NT5C1B: variants seen among roughly 807,000 people sequenced by gnomAD.
The protein encoded by NT5C1B is 5'-nucleotidase, cytosolic IB.
NT5C1B carries 44 observed loss-of-function variants against 57.8 expected under a neutral mutation model. The ratio of observed to expected loss-of-function variants is 0.76; its 90% CI spans 0.60 to 0.98. The LOEUF (loss-of-function observed/expected upper bound fraction) is 0.98, where lower values mean the gene tolerates loss of function less well. Ranked by LOEUF, NT5C1B falls within the 50% of genes least tolerant of loss-of-function variation. The pLI, the probability that NT5C1B is intolerant of heterozygous loss-of-function variation, is 0.00. For synonymous variants in NT5C1B, 284 were observed against 282.6 expected (o/e 1.00, Z -0.05); for missense variants, 742 against 719.5 (o/e 1.03, Z -0.36).
intron 6 of NT5C1B, among the ~76,000 whole-genome samples, chr2:18,578,626 C>CA (rs1406022253): frequency 6.6e-6 from 1 of 151,860 alleles, no homozygotes; most frequent in Non-Finnish European, 1.5e-5. Flanking sequence ...ATCCCCTCCC[C>CA]AAAAAAACCC....
intron 6 of NT5C1B, 143 bp downstream of exon 6, chr2:18,582,723 CAT>C: frequency 7.9e-7 from 1 of 1,263,986 alleles, no homozygotes; most frequent in South Asian, 1.6e-5. Context: ...CTTGTTCTGA[CAT>C]AGGCAAATAA....
chr2:18,584,972 T>C lies in NT5C1B; in HGVS notation c.265A>G (p.Ser89Gly). ...GGAGTCCGGGAGCTCGTGGAGCTGC[T>C]GGGGAGCTGCAGCAAGACAATGGGC... The change falls in exon 4 of 9, where the codon AGC becomes GGC. Residue 89 changes from serine to glycine, a missense_variant. Ser to Gly is a moderately conservative substitution (Grantham distance 56). Coordinates refer to ENST00000304081, the Ensembl canonical transcript of NT5C1B. The surrounding 1 kb of genome is among the most constrained non-coding windows in gnomAD (Gnocchi z 5.8). 6.4e-7 allele frequency: 1 copy of C among 1,550,390 alleles called. No homozygotes were observed. The highest frequency in any genetic ancestry group is 1.4e-5 in the African/African-American group (1 of 73,680).
rs1350556119 is a variant in NT5C1B, at chr2:18,584,351, C to T, written c.724-96G>A. ...GGTAGGGTGAGAGTAGGACAGCGGG[C>T]CCCTGCTTGGAGAAGCGGGATGCTG... On this transcript the variant is annotated intron_variant, in intron 4 of 8. Transcript: ENST00000304081. The surrounding 1 kb of genome is among the most constrained non-coding windows in gnomAD (Gnocchi z 5.8). The T allele has an allele frequency of 6.4e-7, 1 of 1,553,128 alleles. No individual in the cohort carries two copies. Among genetic ancestry groups the T allele is most frequent in the Non-Finnish European group, 8.7e-7 (1 of 1,151,768 alleles).
At position 18,584,534 on chromosome 2, in the gene NT5C1B, T is replaced by C. The variant is rs763669295; in HGVS notation, c.703A>G (p.Ser235Gly). 6 of 1,611,336 alleles carry C rather than the reference T, an allele frequency of 3.7e-6. No homozygotes were observed. In the East Asian group the frequency reaches 8.9e-5, roughly 24 times the overall value. The stretch of plus-strand genomic sequence containing the variant: ...CTCACCGGCCAGGGGCGCGAGCAGC[T>C]CGGGTTCTTCTCGTAGAACGACCTC... The change falls in exon 4 of 9, where the codon AGC becomes GGC. Residue 235 changes from serine (S) to glycine (G), a missense_variant. Physicochemically the swap from Ser to Gly is moderately conservative, Grantham distance 56. Coordinates refer to ENST00000304081, the Ensembl canonical transcript of NT5C1B. The surrounding 1 kb of genome is among the most constrained non-coding windows in gnomAD (Gnocchi z 5.8).
intron 8 of NT5C1B, 143 bp downstream of exon 8, chr2:18,576,037 AAGAG>A: frequency 2.4e-6 from 2 of 822,926 alleles, no homozygotes; most frequent in South Asian, 6.5e-5. Context: ...TCATGAAAGA[AAGAG>A]AGAAAGCTCC....
chr2:18,586,151 A>G (rs1368090801), intron 3 of NT5C1B, 103 bp downstream of exon 3: 2 of 1,508,472 alleles, frequency 1.3e-6, no homozygotes, highest in Non-Finnish European at 1.8e-6. Flanking sequence ...TAGCTAACAC[A>G]TGTAAAGCAC....
chr2:18,568,391 A>G (rs982942462), intron 8 of NT5C1B, among the ~76,000 whole-genome samples: 2 of 152,190 alleles, frequency 1.3e-5, no homozygotes, highest in African/African-American at 4.8e-5. Flanking sequence ...AAAAACAGAG[A>G]TTCAGTACCA....
intron 2 of NT5C1B, chr2:18,586,848 A>C (rs1358075457): frequency 7.1e-7 from 1 of 1,413,598 alleles, no homozygotes; most frequent in African/African-American, 1.4e-5. Context: ...AAAGGAATGG[A>C]GCCCTCAAGC....
chr2:18,576,235 G>GA lies in NT5C1B; in HGVS notation c.1277dup (p.Asp427ArgfsTer7). The GA allele has an allele frequency of 6.2e-7, 1 of 1,613,156 alleles. No homozygotes were observed. The highest frequency in any genetic ancestry group is 8.5e-7 in the Non-Finnish European group (1 of 1,179,606). On this transcript the variant is annotated frameshift_variant, in exon 8 of 9. Coordinates refer to ENST00000304081, the Ensembl canonical transcript of NT5C1B. LOFTEE classifies it high-confidence loss of function. ...ATGTATCATACTGGAAGAATTTGTC[G>GA]AGCCCATGCTCCTTGGTAAAATGTT...
rs1292457789 is a variant in NT5C1B, at chr2:18,584,346, G to A, written c.724-91C>T. 3 of 1,556,294 alleles carry A rather than the reference G, an allele frequency of 1.9e-6. No individual in the cohort carries two copies. Among genetic ancestry groups the A allele is most frequent in the Non-Finnish European group, 2.6e-6 (3 of 1,153,254 alleles). On this transcript the variant is annotated intron_variant, in intron 4 of 8. Transcript: ENST00000304081. This position sits in a 1 kb window ranked among gnomAD's most constrained non-coding sequence, Gnocchi z 5.8. ...TCCAGGGTAGGGTGAGAGTAGGACA[G>A]CGGGCCCCTGCTTGGAGAAGCGGGA... is the stretch of plus-strand genomic sequence containing the variant.
At position 18,583,007 on chromosome 2, in the gene NT5C1B, A is replaced by G. The variant is rs1666316104; in HGVS notation, c.892-10T>C. The G allele has an allele frequency of 6.2e-7, 1 of 1,612,100 alleles. No individual in the cohort carries two copies. Among genetic ancestry groups the G allele is most frequent in the East Asian group, 2.2e-5 (1 of 44,804 alleles). ...TGACATACTGTAGTGCCTGCAGGTTACAAACATGAATGTGTGTAAAGAGGG... is the reference window on the plus strand; with the variant it reads ...TGACATACTGTAGTGCCTGCAGGTTGCAAACATGAATGTGTGTAAAGAGGG... On this transcript the variant is annotated splice_polypyrimidine_tract_variant and intron_variant, in intron 5 of 8. Coordinates refer to ENST00000304081, the Ensembl canonical transcript of NT5C1B.
At chr2:18,587,712 T>C (rs1273771592) in intron 1 of NT5C1B, 120 bp from the exon 2 acceptor site, 3 of 1,156,026 alleles carry the variant, frequency 2.6e-6, no homozygotes, top group East Asian at 4.9e-5. Context: ...TATAAAAAGG[T>C]ATAAACTCTA....
exon 9 of NT5C1B, chr2:18,563,345 C>G (rs1359136985): frequency 6.5e-6 from 1 of 152,696 alleles, no homozygotes; most frequent in African/African-American, 2.4e-5. Context: ...CCATAGCAGT[C>G]ACAGAATACA....
chr2:18,568,612 T>G (rs1664871443), intron 8 of NT5C1B, among the ~76,000 whole-genome samples: 1 of 152,164 alleles, frequency 6.6e-6, no homozygotes. Context: ...GAAATAGTAG[T>G]GGAAAAGAAA....
intron 3 of NT5C1B, 192 bp from the exon 4 acceptor site, chr2:18,585,170 A>G (rs1238057633): frequency 1.2e-6 from 1 of 820,888 alleles, no homozygotes; most frequent in Non-Finnish European, 2.1e-6. Flanking sequence ...ACAGACACAG[A>G]GACTGTCTGC....
Position 18,584,378 on chromosome 2 carries a change from A to C in NT5C1B, c.724-123T>G. 1 of 1,534,634 alleles carries C rather than the reference A, an allele frequency of 6.5e-7. No homozygotes were observed. Among genetic ancestry groups the C allele is most frequent in the Non-Finnish European group, 8.8e-7 (1 of 1,142,076 alleles). On this transcript the variant is annotated intron_variant, in intron 4 of 8. Coordinates refer to ENST00000304081, the Ensembl canonical transcript of NT5C1B. The surrounding 1 kb of genome is among the most constrained non-coding windows in gnomAD (Gnocchi z 5.8). ...CCTGCTTGGAGAAGCGGGATGCTGG[A>C]GACAGCTGAGGCTGGGACTCCCCGA...
intron 7 of NT5C1B, 145 bp downstream of exon 7, chr2:18,576,628 C>A: frequency 7.3e-7 from 1 of 1,377,810 alleles, no homozygotes; most frequent in Non-Finnish European, 9.8e-7. Context: ...CTCTAAAGGA[C>A]AGACTTAAGT....
At chr2:18,572,728 T>G (rs1665316992) in intron 8 of NT5C1B, among the ~76,000 whole-genome samples, 1 of 152,088 alleles carries the variant, frequency 6.6e-6, no homozygotes, top group Admixed American at 6.5e-5. Context: ...AAGCCAAAAC[T>G]ACAATGAGAT....
At chr2:18,580,476 G>A (rs1323122287) in intron 6 of NT5C1B, among the ~76,000 whole-genome samples, 1 of 152,108 alleles carries the variant, frequency 6.6e-6, no homozygotes, top group Non-Finnish European at 1.5e-5. Flanking sequence ...TTAGTCGGGC[G>A]TGGTGGCACA....
Sources: allele counts gnomAD v4.1 joint callset (sites outside exome capture counted in the v4.1 genomes callset), GRCh38; gene constraint gnomAD v4.1.1; non-coding constraint Gnocchi (gnomAD v3.1); transcripts MANE v1.5; gene names NCBI Gene and HGNC (gene_info 2026-07-23, HGNC 2026-07-21).